ATP10B: variants seen among roughly 807,000 people sequenced by gnomAD.
ATP10B encodes the protein ATPase phospholipid transporting 10B (putative), also known as phospholipid-transporting ATPase VB.
ATP10B carries 122 observed loss-of-function variants against 141.2 expected under a neutral mutation model. The ratio of observed to expected loss-of-function variants is 0.86; its 90% CI spans 0.75 to 1.00. The LOEUF (loss-of-function observed/expected upper bound fraction) is 1.00. Ranked by LOEUF, ATP10B falls within the 50% of genes least tolerant of loss-of-function variation. ATP10B has a pLI of 0.00. For missense variants in ATP10B, 1,876 were observed against 1,825.3 expected, an observed-to-expected ratio of 1.03 and a Z score of -0.51; for synonymous variants, 685 against 692.0, an observed-to-expected ratio of 0.99 and a Z score of 0.16.
the ATP10B span, among the ~76,000 whole-genome samples, chr5:160,885,388 G>A: frequency 2.0e-5 from 3 of 152,220 alleles, no homozygotes; most frequent in African/African-American, 7.2e-5. Flanking sequence ...TCCTCAGTGA[G>A]TGAGTGTCTT....
chr5:160,874,289 G>T, the ATP10B span, among the ~76,000 whole-genome samples: 53 of 151,852 alleles, frequency 3.5e-4, no homozygotes, highest in Admixed American at 2.4e-3. Context: ...CACCTCACAC[G>T]GCAGGGTATT....
chr5:160,574,364 C>T (rs62391597), intron 24 of ATP10B, among the ~76,000 whole-genome samples: 25,018 of 152,026 alleles, frequency 0.16, 2,583 homozygotes, highest in African/African-American at 0.28. Context: ...AACCCGGAGG[C>T]GGAGGTTGCA....
chr5:160,928,530 A>T, the ATP10B span, among the ~76,000 whole-genome samples: 1 of 152,148 alleles, frequency 6.6e-6, no homozygotes, highest in African/African-American at 2.4e-5. Flanking sequence ...TGGGATCAGT[A>T]AACCCTCATT....
rs774470465 is a variant in ATP10B, at chr5:160,772,525, G to A, written c.-331+13034C>T. Among the ~76,000 whole-genome samples the A allele has an allele frequency of 2.4e-4, 37 of 152,236 alleles. No individual in the cohort carries two copies. In the Middle Eastern group the frequency reaches 0.014, roughly 56 times the overall value. On this transcript the variant is annotated intron_variant, in intron 2 of 25. Transcript: ENST00000327245. ...TGGAAGACAATTCTTCCAGGGATGT[G>A]GGGGCATGAGGATGGTTTTGGGATG... is the stretch of plus-strand genomic sequence containing the variant.
intron 14 of ATP10B, among the ~76,000 whole-genome samples, chr5:160,621,904 A>G (rs1758368821): frequency 6.6e-6 from 1 of 152,236 alleles, no homozygotes; most frequent in Non-Finnish European, 1.5e-5. Context: ...AGAGCAATAT[A>G]GCACAATATT....
At chr5:160,677,375 A>C (rs1053450361) in intron 6 of ATP10B, among the ~76,000 whole-genome samples, 3 of 152,148 alleles carry the variant, frequency 2.0e-5, no homozygotes, top group Admixed American at 6.5e-5. Flanking sequence ...GTGTAGAGCA[A>C]AGGCCTGAAG....
At chr5:160,771,019 T>G (rs1769863666) in intron 2 of ATP10B, among the ~76,000 whole-genome samples, 1 of 152,178 alleles carries the variant, frequency 6.6e-6, no homozygotes, top group Admixed American at 6.5e-5. Flanking sequence ...GAGTGGTGAA[T>G]ACGTTTGCTG....
the ATP10B span, among the ~76,000 whole-genome samples, chr5:160,927,122 T>C: frequency 0.12 from 18,368 of 151,994 alleles, 1,349 homozygotes; most frequent in Non-Finnish European, 0.16. Context: ...CAGAGAAGAG[T>C]ACAGCTCATA....
At chr5:160,880,303 A>G in the ATP10B span, among the ~76,000 whole-genome samples, 1 of 149,864 alleles carries the variant, frequency 6.7e-6, no homozygotes, top group Admixed American at 6.6e-5. Flanking sequence ...AAATCAAAGG[A>G]AAAATCAAAT....
the ATP10B span, among the ~76,000 whole-genome samples, chr5:160,927,700 A>G: frequency 5.3e-5 from 8 of 152,242 alleles, no homozygotes; most frequent in Non-Finnish European, 7.3e-5. Flanking sequence ...GACTCTGCCA[A>G]GCCCAGCGGA....
intron 1 of ATP10B, among the ~76,000 whole-genome samples, chr5:160,846,430 T>C (rs935021280): frequency 6.6e-6 from 1 of 152,148 alleles, no homozygotes; most frequent in Non-Finnish European, 1.5e-5. Flanking sequence ...GGTTCTGCCA[T>C]TGACAATTAA....
At chr5:160,900,536 C>T in the ATP10B span, among the ~76,000 whole-genome samples, 2 of 152,180 alleles carry the variant, frequency 1.3e-5, no homozygotes, top group African/African-American at 2.4e-5. Flanking sequence ...TCATGATTTT[C>T]CCAAATTGTC....
At chr5:160,651,550 A>G (rs1760740290) in intron 7 of ATP10B, among the ~76,000 whole-genome samples, 1 of 151,976 alleles carries the variant, frequency 6.6e-6, no homozygotes, top group African/African-American at 2.4e-5. Context: ...GTAACATTCC[A>G]CCCAAACAGA....
Position 160,620,809 on chromosome 5 carries a change from C to T in ATP10B, c.1954G>A (p.Gly652Arg), listed in dbSNP as rs896170957. The T allele has an allele frequency of 2.5e-6, 4 of 1,614,082 alleles. No individual in the cohort carries two copies. Among genetic ancestry groups the T allele is most frequent in the Non-Finnish European group, 3.4e-6 (4 of 1,180,046 alleles). The change falls in exon 15 of 26, where the codon GGG becomes AGG. Residue 652 changes from glycine to arginine, a missense_variant. Gly to Arg is a moderately radical substitution (Grantham distance 125, BLOSUM62 -2). Coordinates refer to ENST00000327245, the MANE Select transcript of ATP10B (RefSeq NM_025153.3). ...PSDTDLGESLGANVATTDSDE... is the reference protein window; with the variant it reads ...PSDTDLGESLRANVATTDSDE... Reference sequence around the variant, plus strand: ...GAGTCTGTGGTGGCCACGTTGGCCCCTAAGCTCTCCCCGAGGTCTGTGTCA... The same window carrying T: ...GAGTCTGTGGTGGCCACGTTGGCCCTTAAGCTCTCCCCGAGGTCTGTGTCA...
At chr5:160,859,113 A>C in the ATP10B span, among the ~76,000 whole-genome samples, 3 of 152,014 alleles carry the variant, frequency 2.0e-5, no homozygotes, top group Middle Eastern at 0.01. Flanking sequence ...GCTGGCAACT[A>C]ATTCCCTTGG....
At chr5:160,886,413 G>A in the ATP10B span, among the ~76,000 whole-genome samples, 1 of 152,206 alleles carries the variant, frequency 6.6e-6, no homozygotes, top group Non-Finnish European at 1.5e-5. Context: ...GAATAAAGTA[G>A]AGTGTGTTTT....
At chr5:160,754,235 T>C (rs1340030731) in intron 2 of ATP10B, among the ~76,000 whole-genome samples, 2 of 152,208 alleles carry the variant, frequency 1.3e-5, no homozygotes, top group Non-Finnish European at 2.9e-5. Context: ...GAAACATCGT[T>C]GTCATCTTCC....
At chr5:160,628,726 G>A (rs1317248589) in intron 13 of ATP10B, among the ~76,000 whole-genome samples, 2 of 152,088 alleles carry the variant, frequency 1.3e-5, no homozygotes, top group Non-Finnish European at 2.9e-5. Context: ...TCTGCAAGTG[G>A]CATTTTTACA....
intron 2 of ATP10B, among the ~76,000 whole-genome samples, chr5:160,769,893 G>A (rs562661891): frequency 2.0e-5 from 3 of 152,212 alleles, no homozygotes; most frequent in East Asian, 3.9e-4. Context: ...TAAACAAGTC[G>A]TACAGTTCAT....
Sources: gnomAD v4.1 joint callset for allele counts (sites outside exome capture counted in the v4.1 genomes callset) on GRCh38, gnomAD v4.1.1 for gene constraint, MANE v1.5 for transcripts, NCBI Gene and HGNC (gene_info 2026-07-23, HGNC 2026-07-21) for gene names.